PTPRM: variants seen among roughly 807,000 people sequenced by gnomAD.
PTPRM encodes the protein receptor-type tyrosine-protein phosphatase mu.
In PTPRM, 47 loss-of-function variants were observed where a neutral mutation model predicts 186.7. The ratio of observed to expected loss-of-function variants is 0.25; its 90% CI spans 0.20 to 0.32. PTPRM has a LOEUF of 0.32. PTPRM is among the 10% of genes least tolerant of loss of function. The pLI, the probability that PTPRM is intolerant of heterozygous loss-of-function variation, is 1.00. For synonymous variants in PTPRM, 668 were observed against 674.9 expected (o/e 0.99, Z 0.16); for missense variants, 1,494 against 1,865.0 (o/e 0.80, Z 3.66).
chr18:7,568,036 G>A lies in PTPRM; in HGVS notation c.73+145G>A. 2 of 761,780 alleles carry A rather than the reference G, an allele frequency of 2.6e-6. No homozygotes were observed. Among genetic ancestry groups the A allele is most frequent in the Non-Finnish European group, 1.8e-6 (1 of 547,602 alleles). 47.2% of individuals were successfully genotyped at this position (761,780 alleles called of 1,614,324 possible). A position where few individuals can be genotyped will look rare whatever the true frequency, so the allele number is the denominator to read the frequency against. ...GGCGGGCCGGACACCGCTTCTGCCTGTGAGCCGGGCGCTGGGCGAGGGGCC... is the reference window on the plus strand; with the variant it reads ...GGCGGGCCGGACACCGCTTCTGCCTATGAGCCGGGCGCTGGGCGAGGGGCC... On this transcript the variant is annotated intron_variant, in intron 1 of 32. Transcript: ENST00000580170. The surrounding 1 kb of genome is among the most constrained non-coding windows in gnomAD (Gnocchi z 5.1).
At chr18:8,103,688 G>C (rs2091392723) in intron 11 of PTPRM, among the ~76,000 whole-genome samples, 1 of 152,170 alleles carries the variant, frequency 6.6e-6, no homozygotes, top group East Asian at 1.9e-4. Flanking sequence ...CAGCAATAAA[G>C]CCGTTTCACT....
chr18:8,229,807 C>T (rs2094262291), intron 14 of PTPRM, among the ~76,000 whole-genome samples: 1 of 152,174 alleles, frequency 6.6e-6, no homozygotes, highest in Admixed American at 6.5e-5. Flanking sequence ...ACCTCTTCAA[C>T]ATGAAGTACA....
At chr18:7,716,238 C>T (rs1386322022) in intron 1 of PTPRM, among the ~76,000 whole-genome samples, 1 of 152,000 alleles carries the variant, frequency 6.6e-6, no homozygotes, top group Admixed American at 6.6e-5. Context: ...TCTGACAAAC[C>T]CAAGAAAAAG....
chr18:8,262,740 A>C (rs185252408), intron 19 of PTPRM, among the ~76,000 whole-genome samples: 1 of 152,366 alleles, frequency 6.6e-6, no homozygotes, highest in East Asian at 1.9e-4. Context: ...ATTAACTGAT[A>C]ATATAGTAGG....
rs189150871 is a variant in PTPRM at position 7,828,807 on chromosome 18, T to C, written c.196+54536T>C. On this transcript the variant is annotated intron_variant, in intron 2 of 32. Transcript: ENST00000580170. ...GGTCCTACAGCTGATATAGTACCTG[T>C]GCTGCATATATTTAGTGTTCTTGTA... Among the ~76,000 whole-genome samples the C allele has an allele frequency of 2.5e-3, 378 of 152,330 alleles. 1 individual carries two copies. The highest frequency in any genetic ancestry group is 8.7e-3 in the African/African-American group (361 of 41,574).
chr18:8,134,390 T>G (rs184332038), intron 13 of PTPRM, among the ~76,000 whole-genome samples: 3 of 152,298 alleles, frequency 2.0e-5, no homozygotes, highest in Admixed American at 6.5e-5. Flanking sequence ...AGAAATGATC[T>G]TTACTCTTGG....
intron 2 of PTPRM, among the ~76,000 whole-genome samples, chr18:7,808,734 A>T (rs1445371039): frequency 2.0e-5 from 3 of 152,212 alleles, no homozygotes; most frequent in Non-Finnish European, 2.9e-5. Context: ...GATGGGTTGG[A>T]TAGGAAGTTA....
chr18:8,187,859 A>T (rs1481548490), intron 14 of PTPRM, among the ~76,000 whole-genome samples: 2 of 152,218 alleles, frequency 1.3e-5, no homozygotes, highest in African/African-American at 4.8e-5. Context: ...CTTGAAGAGC[A>T]GTTCCACTGG....
chr18:8,329,965 A>C (rs371329139), intron 22 of PTPRM, among the ~76,000 whole-genome samples: 4 of 152,102 alleles, frequency 2.6e-5, no homozygotes, highest in Admixed American at 6.5e-5. Context: ...CACCTGGCTA[A>C]TTTTTTATTT....
chr18:7,946,474 T>C (rs568735392), intron 5 of PTPRM, among the ~76,000 whole-genome samples: 6 of 152,306 alleles, frequency 3.9e-5, no homozygotes, highest in Admixed American at 6.5e-5. Flanking sequence ...TGTGGTTCTT[T>C]TTCAGTTTGG....
At chr18:7,775,482 G>A (rs971888077) in intron 2 of PTPRM, among the ~76,000 whole-genome samples, 2 of 152,066 alleles carry the variant, frequency 1.3e-5, no homozygotes, top group Non-Finnish European at 2.9e-5. Flanking sequence ...ACACAGCTGT[G>A]CTCCTCCTGT....
chr18:8,129,171 A>G (rs1027405647), intron 13 of PTPRM, among the ~76,000 whole-genome samples: 1 of 152,210 alleles, frequency 6.6e-6, no homozygotes, highest in Non-Finnish European at 1.5e-5. Flanking sequence ...TTTTTGCATG[A>G]AAGATTTTAT....
intron 19 of PTPRM, among the ~76,000 whole-genome samples, chr18:8,255,131 A>C (rs953362147): frequency 2.6e-5 from 4 of 152,282 alleles, no homozygotes; most frequent in African/African-American, 9.6e-5. Context: ...ATTAAGAGTA[A>C]GACTTCCAAA....
At chr18:7,775,183 T>C (rs2042520776) in intron 2 of PTPRM, among the ~76,000 whole-genome samples, 5 of 152,254 alleles carry the variant, frequency 3.3e-5, no homozygotes, top group Admixed American at 3.3e-4. Context: ...TTTAACAGTA[T>C]GATGCTCACT....
At chr18:8,253,900 C>A (rs1259625973) in intron 19 of PTPRM, among the ~76,000 whole-genome samples, 2 of 152,062 alleles carry the variant, frequency 1.3e-5, no homozygotes, top group African/African-American at 4.8e-5. Context: ...GGTCTCTTCC[C>A]CTCCCCATCC....
chr18:7,960,324 A>G (rs562695871), intron 7 of PTPRM, among the ~76,000 whole-genome samples: 43 of 152,108 alleles, frequency 2.8e-4, no homozygotes, highest in Admixed American at 1.6e-3. Context: ...AAAATTATCC[A>G]TAAGATGCAT....
At chr18:8,274,944 A>G (rs1414311054) in intron 19 of PTPRM, among the ~76,000 whole-genome samples, 1 of 152,204 alleles carries the variant, frequency 6.6e-6, no homozygotes, top group East Asian at 1.9e-4. Flanking sequence ...AATTTACGAG[A>G]CATATATGAT....
At chr18:7,688,814 G>A (rs1037291244) in intron 1 of PTPRM, among the ~76,000 whole-genome samples, 1 of 152,280 alleles carries the variant, frequency 6.6e-6, no homozygotes, top group African/African-American at 2.4e-5. Flanking sequence ...GTCAGCCAGG[G>A]AAGATTTATG....
chr18:7,679,179 G>A (rs560957568), intron 1 of PTPRM, among the ~76,000 whole-genome samples: 1 of 152,296 alleles, frequency 6.6e-6, no homozygotes, highest in South Asian at 2.1e-4. Flanking sequence ...AAGATATGTA[G>A]CATTTACTAA....
Sources: gnomAD v4.1 joint callset for allele counts (sites outside exome capture counted in the v4.1 genomes callset) on GRCh38, gnomAD v4.1.1 for gene constraint, Gnocchi (gnomAD v3.1) non-coding constraint, MANE v1.5 for transcripts, NCBI Gene and HGNC (gene_info 2026-07-23, HGNC 2026-07-21) for gene names.